The following FNDC3A variants were observed in gnomAD, a reference collection of about 807,000 sequenced individuals.
FNDC3A encodes the protein fibronectin type III domain containing 3A, also known as fibronectin type-III domain-containing protein 3A.
In FNDC3A, 32 loss-of-function variants were observed where a neutral mutation model predicts 148.9. That is an observed-to-expected ratio of 0.21 (90% confidence interval 0.16 to 0.29). FNDC3A has a LOEUF of 0.29. Among genes scored for constraint, FNDC3A ranks in the 10% least tolerant of loss-of-function variants. The pLI, the probability that FNDC3A is intolerant of heterozygous loss-of-function variation, is 1.00. For synonymous variants in FNDC3A, 472 were observed against 473.6 expected, an observed-to-expected ratio of 1.00 and a Z score of 0.04; for missense variants, 1,191 against 1,452.8, an observed-to-expected ratio of 0.82 and a Z score of 2.93.
chr13:49,019,943 A>G (rs2137638991), intron 2 of FNDC3A, among the ~76,000 whole-genome samples: 1 of 152,304 alleles, frequency 6.6e-6, no homozygotes, highest in East Asian at 1.9e-4. Context: ...AATCTTCTGA[A>G]CCTAAGTTTC....
chr13:49,037,933 G>C (rs1347779331), intron 2 of FNDC3A, among the ~76,000 whole-genome samples: 1 of 152,210 alleles, frequency 6.6e-6, no homozygotes, highest in Non-Finnish European at 1.5e-5. Context: ...TGGCACCCAG[G>C]TTCTTGTGCA....
intron 5 of FNDC3A, among the ~76,000 whole-genome samples, chr13:49,132,374 C>T (rs1465948152): frequency 4.6e-5 from 7 of 152,140 alleles, no homozygotes; most frequent in African/African-American, 1.7e-4. Flanking sequence ...CTAAACCCTT[C>T]CCCTAGACTA....
chr13:48,977,811 A>C (rs1365716276), intron 1 of FNDC3A, among the ~76,000 whole-genome samples: 4 of 152,116 alleles, frequency 2.6e-5, no homozygotes, highest in African/African-American at 9.7e-5. Context: ...ATTTTTTAGC[A>C]CTACTACATT....
chr13:49,145,199 G>T (rs1189661559), intron 7 of FNDC3A, among the ~76,000 whole-genome samples: 1 of 152,088 alleles, frequency 6.6e-6, no homozygotes, highest in African/African-American at 2.4e-5. Context: ...TATACACAAG[G>T]ATTGAACTTA....
intron 3 of FNDC3A, among the ~76,000 whole-genome samples, chr13:49,083,983 G>C (rs545475202): frequency 6.6e-6 from 1 of 152,166 alleles, no homozygotes; most frequent in Non-Finnish European, 1.5e-5. Context: ...CTGAATGAGC[G>C]TGTTAAATTT....
chr13:49,199,389 G>A (rs1040827140), intron 23 of FNDC3A, among the ~76,000 whole-genome samples: 3 of 147,600 alleles, frequency 2.0e-5, no homozygotes, highest in Admixed American at 1.4e-4. Context: ...GTGCAGTGAC[G>A]CGATCTCGGC....
At chr13:48,991,778 A>G (rs553011799) in intron 1 of FNDC3A, among the ~76,000 whole-genome samples, 2 of 152,346 alleles carry the variant, frequency 1.3e-5, no homozygotes, top group East Asian at 3.9e-4. Context: ...TCTTTAATTC[A>G]TGATGAGGTT....
In FNDC3A at chr13:48,981,974, A is replaced by G. The variant is rs1951701348; in HGVS notation, c.-40+5797A>G. 2.0e-5 allele frequency among the ~76,000 whole-genome samples: 3 copies of G among 152,130 alleles called. No homozygotes were observed. The South Asian group carries it at 6.2e-4, about 31-fold the overall frequency. On this transcript the variant is annotated intron_variant, in intron 1 of 25. Coordinates refer to ENST00000492622, the MANE Select transcript of FNDC3A (RefSeq NM_001079673.2). ...TTTAATTGGTTTATGTATATTCTAA[A>G]CCGACAGACACATAATTTGGGAGGC...
At chr13:49,181,429 G>T (rs950801365) in intron 14 of FNDC3A, among the ~76,000 whole-genome samples, 2 of 152,146 alleles carry the variant, frequency 1.3e-5, no homozygotes, top group Non-Finnish European at 2.9e-5. Context: ...TTAGAAATTT[G>T]GGGGGCAGAG....
chr13:49,043,122 G>GTTT (rs759290195), intron 2 of FNDC3A, among the ~76,000 whole-genome samples: 3 of 136,506 alleles, frequency 2.2e-5, no homozygotes, highest in East Asian at 2.1e-4. Flanking sequence ...CACCCAGCCA[G>GTTT]TTTTTTTTTT....
intron 5 of FNDC3A, among the ~76,000 whole-genome samples, chr13:49,135,181 T>C (rs1383804456): frequency 1.3e-5 from 2 of 151,938 alleles, no homozygotes; most frequent in African/African-American, 4.8e-5. Context: ...TTTGGAGAAA[T>C]GTCTATTTGA....
chr13:49,086,272 G>T (rs1878808247), intron 3 of FNDC3A, among the ~76,000 whole-genome samples: 1 of 152,082 alleles, frequency 6.6e-6, no homozygotes. Context: ...TTCTTTTGAG[G>T]GGATTGTTCA....
At chr13:49,100,362 C>G (rs1299652203) in intron 3 of FNDC3A, among the ~76,000 whole-genome samples, 1 of 152,002 alleles carries the variant, frequency 6.6e-6, no homozygotes, top group Non-Finnish European at 1.5e-5. Context: ...TATAATTATC[C>G]TACCTCTGCT....
chr13:49,193,880 AC>A (rs1178536190), intron 19 of FNDC3A, among the ~76,000 whole-genome samples: 1 of 151,962 alleles, frequency 6.6e-6, no homozygotes, highest in Non-Finnish European at 1.5e-5. Flanking sequence ...AAATCATGCC[AC>A]TACATCCAGC....
chr13:49,201,742 C>A, intron 23 of FNDC3A, 58 bp from the exon 24 acceptor site: 1 of 880,674 alleles, frequency 1.1e-6, no homozygotes, highest in Non-Finnish European at 1.6e-6. Flanking sequence ...TTGTAAAACA[C>A]TTTAATAAGG....
intron 3 of FNDC3A, among the ~76,000 whole-genome samples, chr13:49,094,524 T>C (rs1879398558): frequency 6.6e-6 from 1 of 152,120 alleles, no homozygotes; most frequent in African/African-American, 2.4e-5. Flanking sequence ...GGTTGCTTTT[T>C]AAACCCATTA....
At chr13:49,009,827 A>G (rs1178583702) in intron 2 of FNDC3A, among the ~76,000 whole-genome samples, 9 of 152,240 alleles carry the variant, frequency 5.9e-5, no homozygotes, top group Non-Finnish European at 1.0e-4. Context: ...AAAGGATTGA[A>G]TACATTTAAA....
At chr13:49,189,718 GA>G (rs1885784327) in intron 17 of FNDC3A, among the ~76,000 whole-genome samples, 1 of 152,138 alleles carries the variant, frequency 6.6e-6, no homozygotes, top group South Asian at 2.1e-4. Flanking sequence ...CTGGATTTCA[GA>G]AAAGCAACAA....
At chr13:49,064,605 A>G (rs1004206151) in intron 2 of FNDC3A, among the ~76,000 whole-genome samples, 3 of 152,152 alleles carry the variant, frequency 2.0e-5, no homozygotes, top group Admixed American at 2.0e-4. Context: ...GGGAGAGGAT[A>G]CGTCATCACA....
Sources: allele counts gnomAD v4.1 joint callset (sites outside exome capture counted in the v4.1 genomes callset), GRCh38; gene constraint gnomAD v4.1.1; transcripts MANE v1.5; gene names NCBI Gene and HGNC (gene_info 2026-07-23, HGNC 2026-07-21).